The following ITCH variants were observed in gnomAD, a reference collection of about 807,000 sequenced individuals.
ITCH encodes the protein E3 ubiquitin-protein ligase Itchy homolog.
A neutral mutation model predicts 126.8 loss-of-function variants in ITCH; 28 were observed. That is an observed-to-expected ratio of 0.22 (90% CI 0.16 to 0.30). The LOEUF (loss-of-function observed/expected upper bound fraction) is 0.30, where lower values mean the gene tolerates loss of function less well. Among genes scored for constraint, ITCH ranks in the 10% least tolerant of loss-of-function variants. The pLI, the probability that ITCH is intolerant of heterozygous loss-of-function variation, is 1.00. For synonymous variants in ITCH, 342 were observed against 340.0 expected (o/e 1.01, Z -0.06); for missense variants, 631 against 1,032.4 (o/e 0.61, Z 5.33).
chr20:34,409,394 C>T (rs1042601064), intron 4 of ITCH, among the ~76,000 whole-genome samples: 1 of 151,984 alleles, frequency 6.6e-6, no homozygotes, highest in African/African-American at 2.4e-5. Context: ...GCCAGTTATA[C>T]TATAGTTATT....
intron 2 of ITCH, among the ~76,000 whole-genome samples, chr20:34,387,281 C>T (rs887102252): frequency 3.4e-5 from 5 of 148,174 alleles, no homozygotes; most frequent in Admixed American, 1.4e-4. Context: ...CCAGCCTGGG[C>T]GACACAGTGA....
intron 1 of ITCH, among the ~76,000 whole-genome samples, chr20:34,364,030 AAGT>A (rs1302175037): frequency 6.6e-6 from 1 of 152,152 alleles, no homozygotes; most frequent in Admixed American, 6.5e-5. Flanking sequence ...GAAAAGAAAA[AAGT>A]AGCCGTTGAA....
chr20:34,424,403 A>C (rs576427830), intron 6 of ITCH, 77 bp from the exon 7 acceptor site: 2 of 1,041,002 alleles, frequency 1.9e-6, no homozygotes, highest in East Asian at 4.7e-5. Context: ...CTTTGCTTAC[A>C]TGGCATGTTT....
At chr20:34,381,383 A>G (rs1203846191) in intron 2 of ITCH, among the ~76,000 whole-genome samples, 2 of 151,818 alleles carry the variant, frequency 1.3e-5, no homozygotes, top group Admixed American at 6.6e-5. Flanking sequence ...CCCAGGATCA[A>G]GTGATTCTCC....
intron 14 of ITCH, 128 bp from the exon 15 acceptor site, chr20:34,469,920 G>A (rs1367441315): frequency 1.3e-6 from 1 of 769,328 alleles, no homozygotes; most frequent in Non-Finnish European, 2.4e-6. Flanking sequence ...GAATGGTTTT[G>A]TTAGGAATAT....
At chr20:34,408,126 C>G (rs958275665) in intron 3 of ITCH, among the ~76,000 whole-genome samples, 3 of 152,152 alleles carry the variant, frequency 2.0e-5, no homozygotes, top group African/African-American at 7.2e-5. Flanking sequence ...TCCTGTTGCC[C>G]AAGCTGTTGC....
chr20:34,505,713 G>T (rs182910216), intron 24 of ITCH, among the ~76,000 whole-genome samples: 1 of 151,804 alleles, frequency 6.6e-6, no homozygotes, highest in South Asian at 2.1e-4. Flanking sequence ...GCACCACCAC[G>T]CATGGCTAAT....
At chr20:34,433,480 C>A (rs1982596239) in intron 7 of ITCH, among the ~76,000 whole-genome samples, 1 of 152,054 alleles carries the variant, frequency 6.6e-6, no homozygotes, top group Non-Finnish European at 1.5e-5. Context: ...GAATTTGAGA[C>A]CACCCTGGTC....
At chr20:34,473,529 C>T (rs1003830288) in intron 16 of ITCH, among the ~76,000 whole-genome samples, 4 of 152,210 alleles carry the variant, frequency 2.6e-5, no homozygotes, top group African/African-American at 7.2e-5. Context: ...CAGCTCAGGA[C>T]AGAGAAACAC....
intron 23 of ITCH, among the ~76,000 whole-genome samples, chr20:34,497,039 C>T (rs1989933375): frequency 2.6e-5 from 4 of 151,950 alleles, no homozygotes; most frequent in African/African-American, 9.7e-5. Context: ...CTCCGTTGCC[C>T]AGGCTGGAGT....
In ITCH at chr20:34,507,049, A is replaced by AT. The variant is rs1339309396; in HGVS notation, c.2490-645dup. On this transcript the variant is annotated intron_variant, in intron 24 of 24. Transcript: ENST00000374864. ...ATAGGTATACTGTGGTAGAATATAG[A>AT]TATATCTGTCCATGGCCCTGCTTTC... Among the ~76,000 whole-genome samples, 2 of 152,090 alleles carry AT rather than the reference A, an allele frequency of 1.3e-5. 1 individual carries two copies. Among genetic ancestry groups the AT allele is most frequent in the East Asian group, 3.8e-4 (2 of 5,198 alleles).
intron 2 of ITCH, among the ~76,000 whole-genome samples, chr20:34,377,052 G>A (rs560798244): frequency 1.2e-4 from 18 of 151,986 alleles, no homozygotes; most frequent in South Asian, 4.1e-4. Context: ...GTTTTCTTAC[G>A]ATTTCCCAGC....
intron 12 of ITCH, among the ~76,000 whole-genome samples, chr20:34,456,203 TATATATATATA>T (rs1194095328): frequency 1.3e-4 from 5 of 38,774 alleles, no homozygotes; most frequent in African/African-American, 4.5e-4. Flanking sequence ...TATATATATA[TATATATATATA>T]TTTTTTTTTT....
chr20:34,383,634 G>A (rs1212950573), intron 2 of ITCH, among the ~76,000 whole-genome samples: 3 of 151,328 alleles, frequency 2.0e-5, no homozygotes, highest in African/African-American at 7.3e-5. Flanking sequence ...CCAAAGTGCT[G>A]GGATTACAGG....
intron 4 of ITCH, among the ~76,000 whole-genome samples, chr20:34,410,058 A>AC (rs2146153776): frequency 6.6e-6 from 1 of 151,124 alleles, no homozygotes; most frequent in African/African-American, 2.4e-5. Flanking sequence ...AGACAAACAA[A>AC]AAAAAAAAAG....
chr20:34,503,653 A>G (rs1990405943), intron 23 of ITCH, among the ~76,000 whole-genome samples: 1 of 152,066 alleles, frequency 6.6e-6, no homozygotes, highest in Non-Finnish European at 1.5e-5. Flanking sequence ...GTAAGCTTTT[A>G]TTAATCATAA....
At chr20:34,365,819 C>T (rs909856376) in intron 1 of ITCH, among the ~76,000 whole-genome samples, 3 of 152,138 alleles carry the variant, frequency 2.0e-5, no homozygotes, top group African/African-American at 7.2e-5. Context: ...CAGGGTCTTA[C>T]CTTCTGAGAT....
intron 3 of ITCH, chr20:34,402,276 A>G: frequency 8.1e-7 from 1 of 1,236,054 alleles, no homozygotes; most frequent in South Asian, 1.2e-5. Context: ...GACAGTCTTC[A>G]GGTCATGGGC....
chr20:34,491,855 G>A (rs1441357647), intron 22 of ITCH, among the ~76,000 whole-genome samples: 1 of 152,188 alleles, frequency 6.6e-6, no homozygotes, highest in Non-Finnish European at 1.5e-5. Flanking sequence ...ATTGAGAAGA[G>A]GAGGTTATTG....
Sources: allele counts gnomAD v4.1 joint callset (sites outside exome capture counted in the v4.1 genomes callset), GRCh38; gene constraint gnomAD v4.1.1; transcripts MANE v1.5; gene names NCBI Gene and HGNC (gene_info 2026-07-23, HGNC 2026-07-21).